AFF2: variants seen among roughly 807,000 people sequenced by gnomAD.
The protein encoded by AFF2 is ALF transcription elongation factor 2.
Under a neutral mutation model 76.9 loss-of-function variants are expected in AFF2, and 14 were observed. The ratio of observed to expected loss-of-function variants is 0.18; its 90% CI spans 0.12 to 0.28. The LOEUF is 0.28. AFF2 is among the 10% of genes least tolerant of loss of function. The pLI, the probability that AFF2 is intolerant of heterozygous loss-of-function variation, is 1.00. For synonymous variants in AFF2, 398 were observed against 366.7 expected, an observed-to-expected ratio of 1.09 and a Z score of -0.98; for missense variants, 868 against 1,001.1, an observed-to-expected ratio of 0.87 and a Z score of 1.79.
At chrX:148,841,919 G>A (rs1310569458) in intron 5 of AFF2, among the ~76,000 whole-genome samples, 2 of 111,771 alleles carry the variant, frequency 1.8e-5, no homozygotes, top group Non-Finnish European at 3.8e-5. Context: ...GATCTTGCCA[G>A]AAGACAAATC....
chrX:148,722,163 C>A (rs1270742199), intron 3 of AFF2, among the ~76,000 whole-genome samples: 2 of 110,803 alleles, frequency 1.8e-5, no homozygotes, highest in African/African-American at 6.6e-5. Flanking sequence ...AAGGACTGGT[C>A]AGAAGGGCAG....
In AFF2 at chrX:148,662,749, C is replaced by A. The variant is rs781967612; in HGVS notation, c.1022C>A (p.Thr341Asn). Residue 341 changes from threonine to asparagine, a missense_variant, in exon 3 of 21, where the codon ACC becomes AAC. By Grantham distance (65) the Thr-to-Asn change is moderately conservative. Transcript: ENST00000370460. ...ASSKTKLPKF[T>N]ILQTSEVSLP... ...TCAAAGACTAAACTGCCAAAGTTCA[C>A]CATCCTCCAAACAAGTGAAGTAAGT... is the stretch of plus-strand genomic sequence containing the variant. 4.1e-6 allele frequency: 5 copies of A among 1,207,093 alleles called. No homozygotes were observed. The highest frequency in any genetic ancestry group is 5.6e-6 in the Non-Finnish European group (5 of 893,495).
At chrX:148,524,584 G>A (rs2052638174) in intron 1 of AFF2, among the ~76,000 whole-genome samples, 1 of 112,332 alleles carries the variant, frequency 8.9e-6, no homozygotes, top group Non-Finnish European at 1.9e-5. Flanking sequence ...AAACAGAGGA[G>A]CTAACAAGAA....
At chrX:148,565,164 GC>G (rs1182900980) in intron 1 of AFF2, among the ~76,000 whole-genome samples, 3 of 111,771 alleles carry the variant, frequency 2.7e-5, no homozygotes, top group Non-Finnish European at 5.6e-5. Flanking sequence ...TGTGACTGCA[GC>G]CAAAGATTAT....
At chrX:148,856,768 TAAC>T (rs1174873231) in intron 7 of AFF2, among the ~76,000 whole-genome samples, 6 of 112,840 alleles carry the variant, frequency 5.3e-5, no homozygotes, top group African/African-American at 1.6e-4. Flanking sequence ...TTGAAATATA[TAAC>T]AAGCATGTTG....
At chrX:148,523,004 C>T (rs965894666) in intron 1 of AFF2, among the ~76,000 whole-genome samples, 27 of 111,992 alleles carry the variant, frequency 2.4e-4, no homozygotes, top group Non-Finnish European at 1.9e-4. Context: ...ACTGAGAATA[C>T]GTCCTTGAAA....
chrX:148,742,793 A>G (rs1157259793), intron 3 of AFF2, among the ~76,000 whole-genome samples: 3 of 111,928 alleles, frequency 2.7e-5, no homozygotes, highest in African/African-American at 6.5e-5. Context: ...CTATTCCTAG[A>G]CTTCCCATTT....
intron 3 of AFF2, among the ~76,000 whole-genome samples, chrX:148,724,576 G>A (rs1557264081): frequency 8.9e-6 from 1 of 112,117 alleles, no homozygotes; most frequent in Non-Finnish European, 1.9e-5. Flanking sequence ...AAAATTGCCT[G>A]AGAGATATTA....
intron 2 of AFF2, among the ~76,000 whole-genome samples, chrX:148,654,604 G>A (rs1407307429): frequency 1.8e-5 from 2 of 110,443 alleles, no homozygotes; most frequent in African/African-American, 6.6e-5. Context: ...ATACAGGAGA[G>A]AAAGGTGAGG....
intron 1 of AFF2, among the ~76,000 whole-genome samples, chrX:148,554,780 C>A (rs1480393834): frequency 8.9e-6 from 1 of 112,203 alleles, no homozygotes; most frequent in Non-Finnish European, 1.9e-5. Flanking sequence ...TTCTTCTTGA[C>A]TCTCTGCATA....
chrX:148,779,667 T>C (rs1193977238), intron 3 of AFF2, among the ~76,000 whole-genome samples: 1 of 112,007 alleles, frequency 8.9e-6, no homozygotes, highest in Admixed American at 9.5e-5. Flanking sequence ...GCCTCCTGAA[T>C]ACAGCACACC....
chrX:148,982,859 A>G (rs1348700592), intron 19 of AFF2, among the ~76,000 whole-genome samples: 1 of 112,247 alleles, frequency 8.9e-6, no homozygotes, highest in Non-Finnish European at 1.9e-5. Context: ...GCTTTGTGCT[A>G]AGAGGTGAAA....
chrX:148,926,275 G>C (rs1264409203), intron 9 of AFF2, among the ~76,000 whole-genome samples: 1 of 112,414 alleles, frequency 8.9e-6, no homozygotes, highest in African/African-American at 3.2e-5. Context: ...TTAGGCCGAG[G>C]CTTGCTATGT....
At chrX:148,985,889 TC>T (rs1241724095) in intron 19 of AFF2, among the ~76,000 whole-genome samples, 10 of 111,057 alleles carry the variant, frequency 9.0e-5, no homozygotes, top group South Asian at 7.8e-4. Flanking sequence ...GCAGAAATGG[TC>T]CAACTCTGTC....
chrX:148,622,830 T>C (rs1345160060), intron 1 of AFF2, among the ~76,000 whole-genome samples: 2 of 111,965 alleles, frequency 1.8e-5, no homozygotes, highest in African/African-American at 6.5e-5. Flanking sequence ...CTCCTTCCCA[T>C]GCCACGTTCT....
At chrX:148,700,334 A>T in intron 3 of AFF2, among the ~76,000 whole-genome samples, 1 of 110,627 alleles carries the variant, frequency 9.0e-6, no homozygotes, top group Non-Finnish European at 1.9e-5. Flanking sequence ...TAGCTTAATT[A>T]AATGTGCCAG....
chrX:148,850,941 C>T (rs1351417284), intron 7 of AFF2, among the ~76,000 whole-genome samples: 1 of 111,907 alleles, frequency 8.9e-6, no homozygotes, highest in Non-Finnish European at 1.9e-5. Context: ...TCTTCCAGGC[C>T]CAGATGAAGA....
At chrX:148,620,815 C>G (rs1320211036) in intron 1 of AFF2, among the ~76,000 whole-genome samples, 3 of 111,645 alleles carry the variant, frequency 2.7e-5, no homozygotes, top group African/African-American at 9.8e-5. Context: ...TAGTAACCAC[C>G]CATTTCATGA....
chrX:148,648,808 T>G (rs2054173013), intron 1 of AFF2, among the ~76,000 whole-genome samples: 1 of 110,754 alleles, frequency 9.0e-6, no homozygotes, highest in African/African-American at 3.3e-5. Context: ...AGTGGTCAGT[T>G]TTTATATTAT....
Sources: allele counts gnomAD v4.1 joint callset (sites outside exome capture counted in the v4.1 genomes callset), GRCh38; gene constraint gnomAD v4.1.1; transcripts MANE v1.5; gene names NCBI Gene and HGNC (gene_info 2026-07-23, HGNC 2026-07-21).